Variants in CSMD3 observed in about 807,000 individuals in gnomAD.
CSMD3 encodes CUB and sushi domain-containing protein 3.
CSMD3 carries 177 observed loss-of-function variants against 435.2 expected under a neutral mutation model. The ratio of observed to expected loss-of-function variants is 0.41; its 90% CI spans 0.36 to 0.46. The LOEUF (loss-of-function observed/expected upper bound fraction) is 0.46. Ranked by LOEUF, CSMD3 falls within the 20% of genes least tolerant of loss-of-function variation. CSMD3 has a pLI of 0.34. For synonymous variants in CSMD3, 1,656 were observed against 1,520.5 expected (o/e 1.09, Z -2.07); for missense variants, 4,265 against 4,504.6 (o/e 0.95, Z 1.52).
intron 24 of CSMD3, among the ~76,000 whole-genome samples, chr8:112,571,117 C>G (rs921734199): frequency 3.3e-5 from 5 of 152,130 alleles, no homozygotes; most frequent in Admixed American, 1.3e-4. Context: ...AAGCGGTTCT[C>G]CTGCCTCACC....
chr8:112,727,259 A>G (rs769990306), intron 13 of CSMD3, among the ~76,000 whole-genome samples: 70 of 152,016 alleles, frequency 4.6e-4, no homozygotes, highest in Non-Finnish European at 6.8e-4. Context: ...TATCAAAAAG[A>G]TAAGTCATGA....
intron 9 of CSMD3, among the ~76,000 whole-genome samples, chr8:112,938,828 G>A (rs893602248): frequency 2.0e-5 from 3 of 152,034 alleles, no homozygotes; most frequent in Non-Finnish European, 2.9e-5. Context: ...AAGCAAGGGG[G>A]AAAAAGGATC....
At chr8:113,230,466 T>A (rs973379803) in intron 3 of CSMD3, among the ~76,000 whole-genome samples, 1 of 151,582 alleles carries the variant, frequency 6.6e-6, no homozygotes, top group African/African-American at 2.4e-5. Context: ...ATAGATGTCA[T>A]CAGAACCAGA....
At chr8:112,784,239 A>G (rs1405895486) in intron 13 of CSMD3, among the ~76,000 whole-genome samples, 1 of 152,078 alleles carries the variant, frequency 6.6e-6, no homozygotes, top group Admixed American at 6.6e-5. Flanking sequence ...AACAAATGAT[A>G]ATGGAAACAT....
chr8:113,247,624 G>A (rs2093289135), intron 3 of CSMD3, among the ~76,000 whole-genome samples: 1 of 152,014 alleles, frequency 6.6e-6, no homozygotes, highest in South Asian at 2.1e-4. Flanking sequence ...GCCTTTATGA[G>A]GAGTAGATTT....
Position 113,324,389 on chromosome 8 carries a change from C to G in CSMD3, c.179-9596G>C, listed in dbSNP as rs538068252. Among the ~76,000 whole-genome samples, 201 of 152,246 alleles carry G rather than the reference C, an allele frequency of 1.3e-3. 1 individual carries two copies. Among genetic ancestry groups the G allele is most frequent in the African/African-American group, 4.7e-3 (194 of 41,554 alleles). On this transcript the variant is annotated intron_variant, in intron 1 of 70. Coordinates refer to ENST00000297405, the MANE Select transcript of CSMD3 (RefSeq NM_198123.2). ...GTGTGCAGCCTACGGACTTAGTGCTCTGTGTCCCAGCTGCTCCAGCCATGA... is the reference window on the plus strand; with the variant it reads ...GTGTGCAGCCTACGGACTTAGTGCTGTGTGTCCCAGCTGCTCCAGCCATGA...
chr8:112,337,854 C>T, intron 42 of CSMD3, 123 bp from the exon 43 acceptor site: 1 of 650,124 alleles, frequency 1.5e-6, no homozygotes, highest in African/African-American at 1.8e-5. Flanking sequence ...TTATAAATAG[C>T]AATTCAGGTT....
intron 25 of CSMD3, among the ~76,000 whole-genome samples, chr8:112,553,191 C>A (rs181406850): frequency 2.0e-5 from 3 of 152,152 alleles, no homozygotes; most frequent in Admixed American, 6.6e-5. Flanking sequence ...TCATTTTAAA[C>A]CCTTTCCCTT....
At chr8:112,940,713 A>G (rs1315250746) in intron 9 of CSMD3, among the ~76,000 whole-genome samples, 1 of 151,844 alleles carries the variant, frequency 6.6e-6, no homozygotes, top group Non-Finnish European at 1.5e-5. Flanking sequence ...AAATATAACA[A>G]GTAAGATACC....
chr8:112,366,440 C>T (rs1827785271), intron 38 of CSMD3, among the ~76,000 whole-genome samples: 1 of 152,184 alleles, frequency 6.6e-6, no homozygotes. Context: ...TCTTGTCACT[C>T]AGGCTGGAGT....
At chr8:113,080,825 A>G (rs2089533283) in intron 5 of CSMD3, among the ~76,000 whole-genome samples, 1 of 152,004 alleles carries the variant, frequency 6.6e-6, no homozygotes, top group East Asian at 1.9e-4. Context: ...CACAATAAAA[A>G]CTCACGATAT....
intron 1 of CSMD3, among the ~76,000 whole-genome samples, chr8:113,408,985 A>G (rs1350728174): frequency 9.9e-5 from 15 of 151,824 alleles, no homozygotes; most frequent in Non-Finnish European, 2.9e-5. Flanking sequence ...GAAAATTTTT[A>G]TAATAAAATT....
chr8:112,289,603 A>G, intron 56 of CSMD3, 65 bp from the exon 57 acceptor site: 1 of 1,032,192 alleles, frequency 9.7e-7, no homozygotes, highest in South Asian at 1.5e-5. Flanking sequence ...CTATACCAGC[A>G]TGTTTATAGA....
chr8:112,755,263 G>A (rs942359213), intron 13 of CSMD3, among the ~76,000 whole-genome samples: 6 of 151,814 alleles, frequency 4.0e-5, no homozygotes, highest in East Asian at 1.9e-4. Context: ...CCCGGGAAGC[G>A]GAGCTTGCAG....
chr8:112,489,439 A>G (rs1448816511), intron 31 of CSMD3, among the ~76,000 whole-genome samples: 2 of 152,150 alleles, frequency 1.3e-5, no homozygotes, highest in Admixed American at 6.6e-5. Context: ...AATAAAAAAG[A>G]TATTAAGTTA....
chr8:113,381,842 T>C (rs1242697993), intron 1 of CSMD3, among the ~76,000 whole-genome samples: 2 of 152,182 alleles, frequency 1.3e-5, no homozygotes, highest in African/African-American at 2.4e-5. Context: ...CCTATGCTAC[T>C]ATTTTAAAAT....
intron 40 of CSMD3, among the ~76,000 whole-genome samples, chr8:112,346,930 AG>A (rs1337820967): frequency 1.3e-5 from 2 of 151,854 alleles, no homozygotes; most frequent in Non-Finnish European, 2.9e-5. Context: ...CCGCCCGCCC[AG>A]GCCTCCTATC....
chr8:112,949,029 C>A lies in CSMD3; in HGVS notation c.1421-1152G>T, dbSNP rs1017757448. Among the ~76,000 whole-genome samples, 4 of 151,950 alleles carry A rather than the reference C, an allele frequency of 2.6e-5. No homozygotes were observed. In the South Asian group the frequency reaches 8.3e-4, roughly 31 times the overall value. ...GACTCAAGCCATCCTCTTGCCTTGG[C>A]CATCCAAGGTGCCAAAGTGTTGCGG... On this transcript the variant is annotated intron_variant, in intron 8 of 70. Transcript: ENST00000297405.
At chr8:112,530,879 C>T (rs1825461499) in intron 27 of CSMD3, among the ~76,000 whole-genome samples, 1 of 152,144 alleles carries the variant, frequency 6.6e-6, no homozygotes, top group Non-Finnish European at 1.5e-5. Flanking sequence ...AGGGCTTAAG[C>T]CCTAGCTGAC....
Sources: gnomAD v4.1 joint callset for allele counts (sites outside exome capture counted in the v4.1 genomes callset) on GRCh38, gnomAD v4.1.1 for gene constraint, MANE v1.5 for transcripts, NCBI Gene and HGNC (gene_info 2026-07-23, HGNC 2026-07-21) for gene names.